GRM7: variants seen among roughly 807,000 people sequenced by gnomAD.
GRM7 encodes the protein metabotropic glutamate receptor 7.
Under a neutral mutation model 84.5 loss-of-function variants are expected in GRM7, and 35 were observed. That is an observed-to-expected ratio of 0.41 (90% CI 0.32 to 0.55). GRM7 has a LOEUF of 0.55. Among genes scored for constraint, GRM7 ranks in the 20% least tolerant of loss-of-function variants. The probability of loss-of-function intolerance (pLI) is 0.19; values close to 1 mark genes in which losing one functional copy is unlikely to be tolerated. For missense variants in GRM7, 1,003 were observed against 1,194.6 expected, an observed-to-expected ratio of 0.84 and a Z score of 2.36; for synonymous variants, 487 against 455.1, an observed-to-expected ratio of 1.07 and a Z score of -0.89.
chr3:7,003,400 G>A (rs1182994331), intron 1 of GRM7, among the ~76,000 whole-genome samples: 1 of 147,578 alleles, frequency 6.8e-6, no homozygotes, highest in Non-Finnish European at 1.5e-5. Flanking sequence ...AAATAAATAG[G>A]TATTTTTTTG....
intron 6 of GRM7, among the ~76,000 whole-genome samples, chr3:7,456,337 A>G (rs1698006981): frequency 6.6e-6 from 1 of 152,068 alleles, no homozygotes; most frequent in South Asian, 2.1e-4. Context: ...AGCTATCCAT[A>G]GGGCTTATGT....
chr3:7,390,079 T>C (rs73809093), intron 4 of GRM7, among the ~76,000 whole-genome samples: 4,411 of 152,274 alleles, frequency 0.029, 221 homozygotes, highest in African/African-American at 0.1. Context: ...TGATTGCTTG[T>C]CTGGGAAATA....
At chr3:7,108,256 T>C (rs996328351) in intron 1 of GRM7, among the ~76,000 whole-genome samples, 2 of 152,042 alleles carry the variant, frequency 1.3e-5, no homozygotes, top group African/African-American at 2.4e-5. Context: ...GTGAGGGAAC[T>C]GTGTTAGGTT....
intron 1 of GRM7, among the ~76,000 whole-genome samples, chr3:7,075,248 A>G (rs1200092138): frequency 6.6e-6 from 1 of 152,150 alleles, no homozygotes; most frequent in Non-Finnish European, 1.5e-5. Context: ...TGTCAAAGTA[A>G]AGACCTTGGT....
intron 4 of GRM7, among the ~76,000 whole-genome samples, chr3:7,331,292 G>T (rs148855156): frequency 1.3e-5 from 2 of 152,282 alleles, no homozygotes; most frequent in East Asian, 3.9e-4. Context: ...GTGTCTGAAA[G>T]GGTGATCAAA....
At chr3:7,180,660 C>T (rs944997242) in intron 2 of GRM7, among the ~76,000 whole-genome samples, 4 of 152,084 alleles carry the variant, frequency 2.6e-5, no homozygotes, top group African/African-American at 9.7e-5. Flanking sequence ...CTCTTTTTAG[C>T]GAAGAAGTAC....
chr3:7,197,766 G>A (rs1246253299), intron 2 of GRM7, among the ~76,000 whole-genome samples: 1 of 151,750 alleles, frequency 6.6e-6, no homozygotes, highest in African/African-American at 2.4e-5. Flanking sequence ...TATCTTATAG[G>A]CCAGTTAGTG....
At chr3:7,527,264 G>T (rs1700844160) in intron 7 of GRM7, among the ~76,000 whole-genome samples, 1 of 151,790 alleles carries the variant, frequency 6.6e-6, no homozygotes, top group Non-Finnish European at 1.5e-5. Flanking sequence ...AGTATTTGTA[G>T]GTATTTTATT....
At chr3:7,731,630 G>A (rs1702334356) in intron 9 of GRM7, among the ~76,000 whole-genome samples, 1 of 152,142 alleles carries the variant, frequency 6.6e-6, no homozygotes, top group Non-Finnish European at 1.5e-5. Flanking sequence ...AGGAGGAGAG[G>A]GAGAGGAGGC....
chr3:7,214,874 G>A (rs1411379648), intron 2 of GRM7, among the ~76,000 whole-genome samples: 1 of 152,150 alleles, frequency 6.6e-6, no homozygotes, highest in East Asian at 1.9e-4. Context: ...AGGTTACAGA[G>A]TTTGTAACAT....
At chr3:7,374,370 C>T (rs4322984) in intron 4 of GRM7, among the ~76,000 whole-genome samples, 94,132 of 151,532 alleles carry the variant, frequency 0.62, 29,878 homozygotes, top group African/African-American at 0.77. Context: ...ATTGAGGCCA[C>T]ACCTCGCTTT....
chr3:7,444,647 C>A (rs1237063138), intron 5 of GRM7, among the ~76,000 whole-genome samples: 1 of 152,210 alleles, frequency 6.6e-6, no homozygotes, highest in Admixed American at 6.5e-5. Flanking sequence ...CTGAAACATT[C>A]CTCCTTTCAA....
At chr3:6,975,070 T>C (rs1693937311) in intron 1 of GRM7, among the ~76,000 whole-genome samples, 2 of 152,158 alleles carry the variant, frequency 1.3e-5, no homozygotes, top group Non-Finnish European at 1.5e-5. Flanking sequence ...CAGAGAAGGG[T>C]TGGCATCAGG....
intron 4 of GRM7, among the ~76,000 whole-genome samples, chr3:7,338,587 G>C (rs1334405790): frequency 1.3e-5 from 2 of 152,082 alleles, no homozygotes; most frequent in African/African-American, 4.8e-5. Flanking sequence ...AACTGTAGCT[G>C]GTTCTCTGGA....
At chr3:6,864,730 C>G (rs961867893) in intron 1 of GRM7, among the ~76,000 whole-genome samples, 25 of 152,022 alleles carry the variant, frequency 1.6e-4, no homozygotes, top group Admixed American at 2.6e-4. Flanking sequence ...GAATACTTAG[C>G]GACTTAAATG....
chr3:7,478,697 T>A (rs1178846390), intron 7 of GRM7, among the ~76,000 whole-genome samples: 139 of 149,748 alleles, frequency 9.3e-4, no homozygotes, highest in Non-Finnish European at 2.4e-4. Context: ...TGTAGAACAG[T>A]AGGGAACACT....
At chr3:7,008,115 G>GTT (rs3063458) in intron 1 of GRM7, among the ~76,000 whole-genome samples, 60 of 151,552 alleles carry the variant, frequency 4.0e-4, no homozygotes, top group African/African-American at 1.4e-3. Context: ...ATGAGAATGC[G>GTT]TTTTTTTTTT....
At chr3:7,507,095 A>T (rs1238331011) in intron 7 of GRM7, among the ~76,000 whole-genome samples, 1 of 152,216 alleles carries the variant, frequency 6.6e-6, no homozygotes, top group Non-Finnish European at 1.5e-5. Flanking sequence ...CATTTAAAAA[A>T]CATTAGTTGG....
intron 1 of GRM7, among the ~76,000 whole-genome samples, chr3:6,931,923 G>T (rs1575030388): frequency 6.6e-6 from 1 of 152,302 alleles, no homozygotes; most frequent in East Asian, 1.9e-4. Context: ...GAAGAAGAAA[G>T]TCGATTAAGT....
Sources: gnomAD v4.1 joint callset for allele counts (sites outside exome capture counted in the v4.1 genomes callset) on GRCh38, gnomAD v4.1.1 for gene constraint, MANE v1.5 for transcripts, NCBI Gene and HGNC (gene_info 2026-07-23, HGNC 2026-07-21) for gene names.